The following P2RY8 variants were observed in gnomAD, a reference collection of about 807,000 sequenced individuals.
P2RY8 encodes the protein P2Y receptor family member 8.
P2RY8 carries 6 observed loss-of-function variants against 10.0 expected under a neutral mutation model. That is an observed-to-expected ratio of 0.60 (90% CI 0.33 to 1.19). P2RY8 has a LOEUF of 1.19. Among genes scored for constraint, P2RY8 ranks in the 50% most tolerant of loss-of-function variants. The pLI, the probability that P2RY8 is intolerant of heterozygous loss-of-function variation, is 0.04. For missense variants in P2RY8, 456 were observed against 542.0 expected (o/e 0.84, Z 1.58); for synonymous variants, 276 against 252.5 (o/e 1.09, Z -0.88).
intron 1 of P2RY8, among the ~76,000 whole-genome samples, chrX:1,497,616 C>T (rs1354973448): frequency 2.0e-5 from 3 of 149,128 alleles, no homozygotes; most frequent in South Asian, 2.2e-4. Context: ...CGAGACCGTG[C>T]CACGGCACTC....
chrX:1,516,239 G>A (rs745743464), intron 1 of P2RY8, among the ~76,000 whole-genome samples: 10 of 147,978 alleles, frequency 6.8e-5, no homozygotes, highest in East Asian at 2.0e-4. Flanking sequence ...GGAAGAGACC[G>A]CAGAGCATCC....
chrX:1,466,408 G>C lies in P2RY8; in HGVS notation c.151C>G (p.Arg51Gly). 6.2e-7 allele frequency: 1 copy of C among 1,613,440 alleles called. No homozygotes were observed. The highest frequency in any genetic ancestry group is 8.5e-7 in the Non-Finnish European group (1 of 1,179,858). ...ACCGACGGGGATCTGGGCCCCATGC[G>C]CCGGCACAGCACCCACAGAGAGAAG... ...NLFSLWVLCR[R>G]MGPRSPSVIF... is the part of the protein sequence containing the mutation. Residue 51 changes from arginine (R) to glycine (G), a missense_variant, in exon 2 of 2, where the codon CGC (arginine) becomes GGC (glycine). Arg to Gly is a moderately radical substitution (Grantham distance 125, BLOSUM62 -2). Coordinates refer to ENST00000381297, the MANE Select transcript of P2RY8 (RefSeq NM_178129.5).
chrX:1,496,299 C>T (rs1239112161), intron 1 of P2RY8, among the ~76,000 whole-genome samples: 10 of 152,150 alleles, frequency 6.6e-5, no homozygotes, highest in African/African-American at 1.2e-4. Context: ...CATGCTCCCC[C>T]GCCAGCTTCT....
chrX:1,514,344 C>T (rs188353977), intron 1 of P2RY8, among the ~76,000 whole-genome samples: 3,789 of 150,360 alleles, frequency 0.025, 193 homozygotes, highest in African/African-American at 0.09. Flanking sequence ...CCTTTCCTTC[C>T]CTTCCCTTTT....
In P2RY8 at chrX:1,464,421, G is replaced by C. The variant is rs2091632890; in HGVS notation, c.*1058C>G. 4.3e-6 allele frequency: 1 copy of C among 233,562 alleles called. No homozygotes were observed. The highest frequency in any genetic ancestry group is 8.5e-6 in the Non-Finnish European group (1 of 118,266). The allele number at this position is 233,562 out of a possible 1,614,324, so 14.5% of individuals were successfully genotyped here. Reference sequence around the variant, plus strand: ...CCTGGGGTCCACACCTGCATCTGCTGCTTGGTCTCCAAACGGTCTCATGGG... The same window carrying C: ...CCTGGGGTCCACACCTGCATCTGCTCCTTGGTCTCCAAACGGTCTCATGGG... On this transcript the variant is annotated 3_prime_UTR_variant, in exon 2 of 2. Coordinates refer to ENST00000381297, the MANE Select transcript of P2RY8 (RefSeq NM_178129.5).
intron 1 of P2RY8, among the ~76,000 whole-genome samples, chrX:1,493,192 G>A (rs2092071686): frequency 1.3e-5 from 2 of 150,588 alleles, no homozygotes; most frequent in Non-Finnish European, 3.0e-5. Flanking sequence ...GGAGGCTGAG[G>A]CAGGAGAATC....
chrX:1,498,405 CA>C (rs1175667773), intron 1 of P2RY8, among the ~76,000 whole-genome samples: 3,760 of 70,540 alleles, frequency 0.053, 106 homozygotes, highest in African/African-American at 0.17. Context: ...GACTCTGTCT[CA>C]AAAAAAAAAA....
chrX:1,499,322 C>T (rs1353486894), intron 1 of P2RY8, among the ~76,000 whole-genome samples: 7 of 151,776 alleles, frequency 4.6e-5, no homozygotes, highest in African/African-American at 1.5e-4. Flanking sequence ...TGTGCCACCA[C>T]GCCTGGCCAA....
At chrX:1,534,342 A>T (rs2092508891) in intron 1 of P2RY8, among the ~76,000 whole-genome samples, 1 of 151,000 alleles carries the variant, frequency 6.6e-6, no homozygotes, top group Non-Finnish European at 1.5e-5. Flanking sequence ...CAGATACTGC[A>T]TCACTAGGGA....
intron 1 of P2RY8, among the ~76,000 whole-genome samples, chrX:1,531,601 G>A (rs1347977182): frequency 6.6e-6 from 1 of 152,080 alleles, no homozygotes. Flanking sequence ...ACCTGCTTCT[G>A]TCTGTGCCAC....
At position 1,481,226 on chromosome X, in the gene P2RY8, T is replaced by C. The variant is rs186920076; in HGVS notation, c.-24-14644A>G. ...CTCTGTGGTCCAGGCTGGAGTGCAA[T>C]GGCACAACGTCGGCTCCCTGCAACC... On this transcript the variant is annotated intron_variant, in intron 1 of 1. Coordinates refer to ENST00000381297, the MANE Select transcript of P2RY8 (RefSeq NM_178129.5). 5.2e-3 allele frequency among the ~76,000 whole-genome samples: 788 copies of C among 151,980 alleles called. 6 individuals are homozygous for C. The highest frequency in any genetic ancestry group is 0.018 in the African/African-American group (734 of 41,424).
chrX:1,480,021 C>A (rs1329909788), intron 1 of P2RY8, among the ~76,000 whole-genome samples: 1 of 152,100 alleles, frequency 6.6e-6, no homozygotes, highest in Non-Finnish European at 1.5e-5. Context: ...AGGCTCCAGG[C>A]CCAGATGGGT....
At chrX:1,511,480 A>G (rs1393804361) in intron 1 of P2RY8, among the ~76,000 whole-genome samples, 1 of 152,328 alleles carries the variant, frequency 6.6e-6, no homozygotes, top group African/African-American at 2.4e-5. Context: ...CTGTTAGGCT[A>G]TACAAATCAA....
intron 1 of P2RY8, among the ~76,000 whole-genome samples, chrX:1,524,669 T>TCCATCCATCCATCCATC (rs1556686043): frequency 2.0e-5 from 1 of 51,062 alleles, no homozygotes; most frequent in African/African-American, 8.2e-5. Context: ...ATCCATCCAT[T>TCCATCCATCCATCCATC]CATCCATCCA....
Position 1,465,305 on chromosome X carries a change from G to A in P2RY8, c.*174C>T. 6.6e-6 allele frequency: 7 copies of A among 1,057,604 alleles called. No individual in the cohort carries two copies. The highest frequency in any genetic ancestry group is 3.4e-5 in the South Asian group (2 of 59,044). 65.5% of individuals were successfully genotyped at this position (1,057,604 alleles called of 1,614,324 possible). On this transcript the variant is annotated 3_prime_UTR_variant, in exon 2 of 2. Coordinates refer to ENST00000381297, the MANE Select transcript of P2RY8 (RefSeq NM_178129.5). Reference sequence around the variant, plus strand: ...TGAAGCCTGGAGACCCTTCCTCACCGGTGCCTCTGCAGTGCCTGGGAGGAA... The same window carrying A: ...TGAAGCCTGGAGACCCTTCCTCACCAGTGCCTCTGCAGTGCCTGGGAGGAA...
chrX:1,480,735 G>C (rs1408560347), intron 1 of P2RY8, among the ~76,000 whole-genome samples: 8 of 151,948 alleles, frequency 5.3e-5, no homozygotes, highest in African/African-American at 1.9e-4. Context: ...ACGGGTTGAT[G>C]GGTGCAGCAA....
chrX:1,529,627 G>T (rs1282705046), intron 1 of P2RY8, among the ~76,000 whole-genome samples: 2 of 152,014 alleles, frequency 1.3e-5, no homozygotes, highest in Admixed American at 6.6e-5. Context: ...CTGACACCCT[G>T]CCTGAGCATG....
intron 1 of P2RY8, among the ~76,000 whole-genome samples, chrX:1,474,951 C>A (rs181576370): frequency 4.2e-5 from 5 of 119,138 alleles, no homozygotes; most frequent in Non-Finnish European, 8.6e-5. Flanking sequence ...GGTGGTTGGA[C>A]GTGTGGGTGG....
chrX:1,476,657 C>T (rs2091877858), intron 1 of P2RY8, among the ~76,000 whole-genome samples: 1 of 151,852 alleles, frequency 6.6e-6, no homozygotes, highest in African/African-American at 2.4e-5. Context: ...GTGGCTGATG[C>T]CAGGTCTAGA....
Sources: allele counts gnomAD v4.1 joint callset (sites outside exome capture counted in the v4.1 genomes callset), GRCh38; gene constraint gnomAD v4.1.1; transcripts MANE v1.5; gene names NCBI Gene and HGNC (gene_info 2026-07-23, HGNC 2026-07-21).